Variants in NCOA2 observed in about 807,000 individuals in gnomAD.
The protein encoded by NCOA2 is class E basic helix-loop-helix protein 75.
In NCOA2, 21 loss-of-function variants were observed where a neutral mutation model predicts 145.1. The ratio of observed to expected loss-of-function variants is 0.14; its 90% CI spans 0.10 to 0.21. NCOA2 has a LOEUF of 0.21. NCOA2 is among the 10% of genes least tolerant of loss of function. NCOA2 has a pLI of 1.00. For synonymous variants in NCOA2, 619 were observed against 637.5 expected, an observed-to-expected ratio of 0.97 and a Z score of 0.44; for missense variants, 1,472 against 1,837.6, an observed-to-expected ratio of 0.80 and a Z score of 3.64.
Position 70,111,591 on chromosome 8 carries a change from T to C in NCOA2, c.*2041A>G, listed in dbSNP as rs1050267206. ...GTTGTTCCTTGGCCACCTCCCTGTA[T>C]TGAGACCCCTCTCAAGTGGAAAAAA... On this transcript the variant is annotated 3_prime_UTR_variant, in exon 23 of 23. Coordinates refer to ENST00000452400, the MANE Select transcript of NCOA2 (RefSeq NM_006540.4). 3 of 216,686 alleles carry C rather than the reference T, an allele frequency of 1.4e-5. No individual in the cohort carries two copies. The highest frequency in any genetic ancestry group is 6.9e-5 in the East Asian group (1 of 14,598). The allele number at this position is 216,686 out of a possible 1,614,324, so 13.4% of individuals were successfully genotyped here.
At chr8:70,192,034 T>TC (rs1442348671) in intron 4 of NCOA2, among the ~76,000 whole-genome samples, 1 of 151,838 alleles carries the variant, frequency 6.6e-6, no homozygotes, top group East Asian at 1.9e-4. Context: ...AGAGTGAGAA[T>TC]CCGTCTCAAA....
At chr8:70,333,263 C>CCATG (rs1457384116) in intron 1 of NCOA2, among the ~76,000 whole-genome samples, 1 of 152,158 alleles carries the variant, frequency 6.6e-6, no homozygotes, top group African/African-American at 2.4e-5. Context: ...CTAAACTGAA[C>CCATG]CATGCCCAGA....
Position 70,113,757 on chromosome 8 carries a change from C to G in NCOA2, c.4384-114G>C, listed in dbSNP as rs905151288. On this transcript the variant is annotated intron_variant, in intron 22 of 22. Transcript: ENST00000452400. ...TGACTGTTTTCAATAAAGCAAATCA[C>G]AGAGGCCGCATCTGGATGAGTACAT... 4.9e-6 allele frequency: 5 copies of G among 1,012,516 alleles called. 1 individual carries two copies. The highest frequency in any genetic ancestry group is 4.5e-6 in the Non-Finnish European group (3 of 663,426). The allele number at this position is 1,012,516 out of a possible 1,614,324, so 62.7% of individuals were successfully genotyped here. A position where few individuals can be genotyped will look rare whatever the true frequency, so the allele number is the denominator to read the frequency against.
chr8:70,377,636 G>A (rs1401673356), intron 1 of NCOA2, among the ~76,000 whole-genome samples: 1 of 152,036 alleles, frequency 6.6e-6, no homozygotes, highest in Non-Finnish European at 1.5e-5. Flanking sequence ...GGAATTTTTA[G>A]TCTAGAATTC....
At chr8:70,441,807 AG>A in the NCOA2 span, among the ~76,000 whole-genome samples, 5 of 76,816 alleles carry the variant, frequency 6.5e-5, no homozygotes, top group African/African-American at 1.9e-4. Flanking sequence ...AAAGAAAGAA[AG>A]AAAGAAAGAA....
At chr8:70,453,712 T>C in the NCOA2 span, among the ~76,000 whole-genome samples, 1 of 152,220 alleles carries the variant, frequency 6.6e-6, no homozygotes, top group Non-Finnish European at 1.5e-5. Context: ...TTCCTTTTCC[T>C]TTCTCCATCC....
intron 16 of NCOA2, among the ~76,000 whole-genome samples, chr8:70,131,457 G>C (rs2979632): frequency 4.6e-5 from 7 of 152,170 alleles, no homozygotes; most frequent in Non-Finnish European, 1.0e-4. Flanking sequence ...CTGGGGTCAC[G>C]ACTACACTCA....
chr8:70,182,069 G>C (rs1184905097), intron 4 of NCOA2, among the ~76,000 whole-genome samples: 2 of 152,194 alleles, frequency 1.3e-5, no homozygotes, highest in Non-Finnish European at 2.9e-5. Flanking sequence ...TTATTCATTA[G>C]GAAGCATTCT....
intron 7 of NCOA2, among the ~76,000 whole-genome samples, chr8:70,166,101 C>T (rs1360266530): frequency 6.6e-6 from 1 of 152,162 alleles, no homozygotes; most frequent in Non-Finnish European, 1.5e-5. Flanking sequence ...GGATTACAGG[C>T]GTGAGCCACC....
At chr8:70,255,645 CCTCCT>C (rs773805207) in intron 2 of NCOA2, among the ~76,000 whole-genome samples, 28 of 152,136 alleles carry the variant, frequency 1.8e-4, no homozygotes, top group Non-Finnish European at 5.9e-5. Context: ...GCTGTGGTTA[CCTCCT>C]CTCCCCTCAC....
At chr8:70,142,254 C>A (rs1202274958) in intron 13 of NCOA2, among the ~76,000 whole-genome samples, 5 of 152,184 alleles carry the variant, frequency 3.3e-5, no homozygotes, top group Admixed American at 6.5e-5. Context: ...GTTCTGCTTT[C>A]AAATATATGG....
chr8:70,117,948 G>A (rs1807332133), intron 22 of NCOA2, among the ~76,000 whole-genome samples: 1 of 152,216 alleles, frequency 6.6e-6, no homozygotes. Flanking sequence ...GTCTCTTCTT[G>A]GAGGTTACAT....
intron 22 of NCOA2, among the ~76,000 whole-genome samples, chr8:70,116,186 TAAAAAAAAAAA>T (rs71558579): frequency 1.2e-5 from 1 of 80,662 alleles, no homozygotes; most frequent in Admixed American, 1.4e-4. Context: ...GACTCTGTCT[TAAAAAAAAAAA>T]AAAAAAAAAA....
Position 70,113,534 on chromosome 8 carries a change from G to T in NCOA2, c.*98C>A. 1 of 1,393,546 alleles carries T rather than the reference G, an allele frequency of 7.2e-7. No homozygotes were observed. Among genetic ancestry groups the T allele is most frequent in the Non-Finnish European group, 9.9e-7 (1 of 1,005,190 alleles). 86.3% of individuals were successfully genotyped at this position (1,393,546 alleles called of 1,614,324 possible). Reference sequence around the variant, plus strand: ...CTGCTCTAGCAGAACCGGCTGGCAGGTCAGTTGGGTTGAAACAAATAGACA... The same window carrying T: ...CTGCTCTAGCAGAACCGGCTGGCAGTTCAGTTGGGTTGAAACAAATAGACA... On this transcript the variant is annotated 3_prime_UTR_variant, in exon 23 of 23. Transcript: ENST00000452400.
intron 1 of NCOA2, among the ~76,000 whole-genome samples, chr8:70,368,754 T>C (rs879287125): frequency 3.9e-5 from 6 of 152,222 alleles, no homozygotes; most frequent in Non-Finnish European, 8.8e-5. Flanking sequence ...AAATTAATGC[T>C]GCTGCACAGT....
chr8:70,456,223 C>G, the NCOA2 span, among the ~76,000 whole-genome samples: 2 of 152,126 alleles, frequency 1.3e-5, no homozygotes, highest in African/African-American at 4.8e-5. Flanking sequence ...GCTGAGGACA[C>G]TAACATTCTA....
chr8:70,168,208 G>A (rs1165403818), intron 6 of NCOA2, among the ~76,000 whole-genome samples: 2 of 152,152 alleles, frequency 1.3e-5, no homozygotes, highest in African/African-American at 2.4e-5. Context: ...ACAAACCCTC[G>A]AAAGGAAAAA....
At chr8:70,226,681 A>ATAT (rs1563650160) in intron 2 of NCOA2, among the ~76,000 whole-genome samples, 1 of 148,334 alleles carries the variant, frequency 6.7e-6, no homozygotes, top group African/African-American at 2.5e-5. Context: ...TATATATATA[A>ATAT]AACTATACTT....
the NCOA2 span, among the ~76,000 whole-genome samples, chr8:70,409,936 G>T: frequency 6.6e-6 from 1 of 151,978 alleles, no homozygotes; most frequent in Admixed American, 6.5e-5. Flanking sequence ...GCAGCCAGGT[G>T]CAGTGGCTCA....
Sources: gnomAD v4.1 joint callset for allele counts (sites outside exome capture counted in the v4.1 genomes callset) on GRCh38, gnomAD v4.1.1 for gene constraint, MANE v1.5 for transcripts, NCBI Gene and HGNC (gene_info 2026-07-23, HGNC 2026-07-21) for gene names.